PCDHA9: variants seen among roughly 807,000 people sequenced by gnomAD.
The protein encoded by PCDHA9 is protocadherin alpha 9.
A neutral mutation model predicts 62.0 loss-of-function variants in PCDHA9; 62 were observed. That is an observed-to-expected ratio of 1.00 (90% CI 0.81 to 1.23). PCDHA9 has a LOEUF of 1.23. Among genes scored for constraint, PCDHA9 ranks in the 50% most tolerant of loss-of-function variants. PCDHA9 has a pLI of 0.00. For synonymous variants in PCDHA9, 557 were observed against 567.6 expected (o/e 0.98, Z 0.27); for missense variants, 1,205 against 1,249.8 (o/e 0.96, Z 0.54).
At chr5:141,004,810 A>G (rs2098182429) in intron 3 of PCDHA9, among the ~76,000 whole-genome samples, 1 of 152,224 alleles carries the variant, frequency 6.6e-6, no homozygotes, top group Non-Finnish European at 1.5e-5. Flanking sequence ...GCTCAATTGC[A>G]GATTTGATTA....
Position 140,912,662 on chromosome 5 carries a change from T to C in PCDHA9, c.2394+61773T>C, listed in dbSNP as rs145118694. 1.9e-3 allele frequency among the ~76,000 whole-genome samples: 286 copies of C among 152,264 alleles called. 1 individual carries two copies. The highest frequency in any genetic ancestry group is 6.7e-3 in the African/African-American group (280 of 41,548). Reference sequence around the variant, plus strand: ...CTATGTTGAATAGAAGTGGTGAAAATGGGCATCCTTGACTTATTCCAGGTC... The same window carrying C: ...CTATGTTGAATAGAAGTGGTGAAAACGGGCATCCTTGACTTATTCCAGGTC... On this transcript the variant is annotated intron_variant, in intron 1 of 3. Coordinates refer to ENST00000532602, the MANE Select transcript of PCDHA9 (RefSeq NM_031857.2).
chr5:140,970,748 A>G (rs2096429835), intron 1 of PCDHA9, among the ~76,000 whole-genome samples: 1 of 152,130 alleles, frequency 6.6e-6, no homozygotes, highest in African/African-American at 2.4e-5. Context: ...TTTGCAATAT[A>G]TTTTCATTGA....
intron 1 of PCDHA9, among the ~76,000 whole-genome samples, chr5:140,923,142 TA>T (rs1262526439): frequency 5.3e-5 from 8 of 152,122 alleles, no homozygotes; most frequent in East Asian, 3.9e-4. Context: ...AGGTGGAATA[TA>T]AAAAAAATTA....
chr5:140,996,283 C>T (rs2097719869), intron 3 of PCDHA9, among the ~76,000 whole-genome samples: 1 of 152,172 alleles, frequency 6.6e-6, no homozygotes, highest in African/African-American at 2.4e-5. Context: ...TGCCAAATTT[C>T]AAGAAGCACA....
chr5:140,928,902 C>T, intron 1 of PCDHA9: 1 of 1,614,164 alleles, frequency 6.2e-7, no homozygotes, highest in Non-Finnish European at 8.5e-7. Flanking sequence ...TTGAAGATGT[C>T]TGGGAACCAG....
rs782453395 is a variant in PCDHA9 at position 140,875,890 on chromosome 5, G to T, written c.2394+25001G>T. 79 of 1,614,062 alleles carry T rather than the reference G, an allele frequency of 4.9e-5. No homozygotes were observed. Among genetic ancestry groups the T allele is most frequent in the Non-Finnish European group, 5.9e-5 (70 of 1,180,034 alleles). On this transcript the variant is annotated intron_variant, in intron 1 of 3. Coordinates refer to ENST00000532602, the MANE Select transcript of PCDHA9 (RefSeq NM_031857.2). ...GGTGTTCAGAGAAAGGGAACAAAAG[G>T]TACCTGTTTCTGAATCTGCGCCTCT...
intron 1 of PCDHA9, among the ~76,000 whole-genome samples, chr5:140,923,449 G>A (rs189150090): frequency 6.6e-6 from 1 of 152,166 alleles, no homozygotes; most frequent in African/African-American, 2.4e-5. Flanking sequence ...GATCACCTGA[G>A]CCCAGAGAGG....
At chr5:140,951,542 A>AG (rs1554219955) in intron 1 of PCDHA9, among the ~76,000 whole-genome samples, 1 of 151,820 alleles carries the variant, frequency 6.6e-6, no homozygotes, top group African/African-American at 2.4e-5. Context: ...GGAGCAAGGG[A>AG]CGGGGGGAAG....
At chr5:140,968,539 C>T (rs781815829) in intron 1 of PCDHA9, 30 of 1,614,078 alleles carry the variant, frequency 1.9e-5, no homozygotes, top group East Asian at 6.7e-5. Context: ...CAGCAGCCTT[C>T]GAGATGGTGC....
chr5:140,859,369 T>C (rs1469149070), intron 1 of PCDHA9: 1 of 262,962 alleles, frequency 3.8e-6, no homozygotes, highest in Non-Finnish European at 7.0e-6. Flanking sequence ...TATTGTATAG[T>C]TTAATAGCTT....
chr5:140,915,626 GTCTC>G (rs57920489), intron 1 of PCDHA9, among the ~76,000 whole-genome samples: 182 of 146,478 alleles, frequency 1.2e-3, no homozygotes, highest in East Asian at 9.3e-3. Flanking sequence ...GTCTCTTTCT[GTCTC>G]TCTCTCTCTC....
At chr5:140,884,141 G>C in intron 1 of PCDHA9, 1 of 1,613,422 alleles carries the variant, frequency 6.2e-7, no homozygotes, top group South Asian at 1.1e-5. Flanking sequence ...GTTCCGCGTG[G>C]GGCTGTACAC....
At position 140,850,397 on chromosome 5, in the gene PCDHA9, G is replaced by C. The variant is rs143469399; in HGVS notation, c.1902G>C (p.Thr634=). The part of the protein sequence containing the change: ...VGLYTGEIST[T]RALDETDAPR... ...TGTACACGGGCGAGATCAGCACAAC[G>C]CGTGCCCTGGACGAAACGGACGCAC... The change falls in exon 1 of 4, where the codon ACG becomes ACC. Residue 634 remains threonine (T), a synonymous_variant. Transcript: ENST00000532602. 45 of 1,597,958 alleles carry C rather than the reference G, an allele frequency of 2.8e-5. 5 individuals are homozygous for C. In the African/African-American group the frequency reaches 5.4e-4, roughly 19 times the overall value.
intron 1 of PCDHA9, among the ~76,000 whole-genome samples, chr5:140,919,265 T>A (rs534045587): frequency 4.3e-4 from 66 of 152,394 alleles, no homozygotes. Flanking sequence ...GATATTAGTG[T>A]AGTCACTCCA....
At chr5:140,868,636 TCTCA>T (rs1554162146) in intron 1 of PCDHA9, 1 of 156,044 alleles carries the variant, frequency 6.4e-6, no homozygotes, top group East Asian at 1.9e-4. Flanking sequence ...TCTCTTTCTC[TCTCA>T]CTCTGTGTAT....
chr5:140,951,779 CA>C (rs1402940575), intron 1 of PCDHA9, among the ~76,000 whole-genome samples: 1 of 152,142 alleles, frequency 6.6e-6, no homozygotes, highest in East Asian at 1.9e-4. Flanking sequence ...TCTTACATTG[CA>C]AAATACAATT....
intron 1 of PCDHA9, chr5:140,877,135 G>A (rs1554169356): frequency 2.5e-6 from 4 of 1,613,790 alleles, no homozygotes; most frequent in Non-Finnish European, 3.4e-6. Flanking sequence ...GCAGGTGTTC[G>A]TGCTGGACGA....
At chr5:140,882,750 A>C (rs781948584) in intron 1 of PCDHA9, 3 of 1,614,128 alleles carry the variant, frequency 1.9e-6, no homozygotes, top group Non-Finnish European at 2.5e-6. Flanking sequence ...TCCGATGCAG[A>C]TATTGGAGTA....
chr5:140,888,059 T>C (rs1562834280), intron 1 of PCDHA9, among the ~76,000 whole-genome samples: 1 of 152,232 alleles, frequency 6.6e-6, no homozygotes, highest in African/African-American at 2.4e-5. Context: ...TGTTTTAACT[T>C]TCTTGTCTGC....
Sources: allele counts gnomAD v4.1 joint callset (sites outside exome capture counted in the v4.1 genomes callset), GRCh38; gene constraint gnomAD v4.1.1; transcripts MANE v1.5; gene names NCBI Gene and HGNC (gene_info 2026-07-23, HGNC 2026-07-21).